LHX1: variants seen among roughly 807,000 people sequenced by gnomAD.
LHX1 encodes LIM/homeobox protein Lhx1.
LHX1 carries 9 observed loss-of-function variants against 34.1 expected under a neutral mutation model. The ratio of observed to expected loss-of-function variants is 0.26; its 90% CI spans 0.16 to 0.46. The LOEUF (loss-of-function observed/expected upper bound fraction) is 0.46, where lower values mean the gene tolerates loss of function less well. Ranked by LOEUF, LHX1 falls within the 20% of genes least tolerant of loss-of-function variation. The pLI is 1.00. For missense variants in LHX1, 446 were observed against 559.1 expected (o/e 0.80, Z 2.04); for synonymous variants, 254 against 241.5 (o/e 1.05, Z -0.48).
upstream of LHX1, chr17:36,937,136 GC>G (rs1365644015): frequency 2.4e-6 from 1 of 409,854 alleles, no homozygotes. Flanking sequence ...AGAAAGTCGA[GC>G]GACTGTGGGG....
Position 36,940,470 on chromosome 17 carries a change from T to C in LHX1, c.351T>C (p.Asp117=). 1 of 1,614,054 alleles carries C rather than the reference T, an allele frequency of 6.2e-7. No homozygotes were observed. Among genetic ancestry groups the C allele is most frequent in the South Asian group, 1.1e-5 (1 of 91,086 alleles). Residue 117 remains aspartate, a synonymous_variant, in exon 2 of 5, where the codon GAT becomes GAC. Transcript: ENST00000614239. ...IDENKFVCKE[D]YLSNSSVAKE... ...AGAATAAGTTCGTCTGCAAAGAGGATTACCTAAGTAACAGCAGTGTTGCCA... is the reference window on the plus strand; with the variant it reads ...AGAATAAGTTCGTCTGCAAAGAGGACTACCTAAGTAACAGCAGTGTTGCCA...
chr17:36,940,950 C>A, intron 3 of LHX1, 63 bp downstream of exon 3: 1 of 1,538,636 alleles, frequency 6.5e-7, no homozygotes, highest in Non-Finnish European at 8.7e-7. Flanking sequence ...GGCACCCAGG[C>A]CGAGCCAGGA....
At position 36,940,878 on chromosome 17, in the gene LHX1, C is replaced by T. The variant is rs753422804; in HGVS notation, c.666C>T (p.Arg222=). 2 of 1,599,014 alleles carry T rather than the reference C, an allele frequency of 1.3e-6. No individual in the cohort carries two copies. Among genetic ancestry groups the T allele is most frequent in the African/African-American group, 2.7e-5 (2 of 74,686 alleles). ...CGCAGGAGACCGGCCTCAACATGCG[C>T]GTCATTCAGGTCAGGCCCCGGCGCG... ...QLAQETGLNM[R]VIQVWFQNRR... The change falls in exon 3 of 5, where the codon CGC becomes CGT. Residue 222 remains arginine (R), a synonymous_variant. Coordinates refer to ENST00000614239, the MANE Select transcript of LHX1 (RefSeq NM_005568.5).
At chr17:36,937,042 CAA>C (rs113265097), upstream of LHX1, 15,470 of 230,048 alleles carry the variant, frequency 0.067, no homozygotes, top group South Asian at 0.13. Flanking sequence ...AAAAGAAAAA[CAA>C]AAAAAAAAAA....
Position 36,942,963 on chromosome 17 carries a change from C to G in LHX1, c.1053C>G (p.Pro351=). 1.2e-6 allele frequency: 2 copies of G among 1,610,584 alleles called. No individual in the cohort carries two copies. The highest frequency in any genetic ancestry group is 1.7e-6 in the Non-Finnish European group (2 of 1,179,020). Residue 351 remains proline, a synonymous_variant, in exon 5 of 5, where the codon CCC becomes CCG. Transcript: ENST00000614239. The part of the protein sequence containing the change: ...QRFTDILAHP[P]GDSPSPEPSL... The stretch of plus-strand genomic sequence containing the variant: ...TTACCGACATCCTGGCGCACCCACC[C>G]GGGGACTCGCCCAGCCCCGAGCCCA...
Position 36,937,533 on chromosome 17 carries a change from CT to C in LHX1, c.-664del. The stretch of plus-strand genomic sequence containing the variant: ...TTCTCCCGCGGTCGGCCCTCGCCCC[CT>C]CCCCCAGGCCCAGCGCGGGCGCTCG... On this transcript the variant is annotated 5_prime_UTR_variant, in exon 1 of 5. Coordinates refer to ENST00000614239, the MANE Select transcript of LHX1 (RefSeq NM_005568.5). The C allele has an allele frequency of 6.2e-6, 2 of 321,438 alleles. No individual in the cohort carries two copies. Among genetic ancestry groups the C allele is most frequent in the South Asian group, 4.7e-5 (2 of 42,868 alleles). 19.9% of individuals were successfully genotyped at this position (321,438 alleles called of 1,614,324 possible).
In LHX1 at chr17:36,942,978, C is replaced by T; in HGVS notation, c.1068C>T (p.Ser356=). The change falls in exon 5 of 5, where the codon AGC becomes AGT. Residue 356 remains serine (S), a synonymous_variant. Coordinates refer to ENST00000614239, the MANE Select transcript of LHX1 (RefSeq NM_005568.5). ...ILAHPPGDSP[S]PEPSLPGPLH... is the part of the protein sequence containing the mutation. The stretch of plus-strand genomic sequence containing the variant: ...CGCACCCACCCGGGGACTCGCCCAG[C>T]CCCGAGCCCAGCCTGCCCGGGCCTC... 3.1e-6 allele frequency: 5 copies of T among 1,611,166 alleles called. No homozygotes were observed. The South Asian group carries it at 5.5e-5, about 18-fold the overall frequency.
intron 1 of LHX1, among the ~76,000 whole-genome samples, chr17:36,939,218 C>A (rs1597688300): frequency 6.6e-6 from 1 of 152,338 alleles, no homozygotes; most frequent in African/African-American, 2.4e-5. Flanking sequence ...CGTACACTCA[C>A]AATTTTGCCG....
chr17:36,938,503 G>A (rs2070744161), intron 1 of LHX1, 136 bp downstream of exon 1: 4 of 848,694 alleles, frequency 4.7e-6, no homozygotes, highest in Admixed American at 4.1e-5. Context: ...TCCCGCGGGC[G>A]CCCGCCTCTC....
chr17:36,942,715 G>A, intron 4 of LHX1, 37 bp from the exon 5 acceptor site: 1 of 1,454,496 alleles, frequency 6.9e-7, no homozygotes, highest in Non-Finnish European at 9.1e-7. Context: ...CCCCCGGCCG[G>A]GCCCTGACGT....
rs1351689429 is a variant in LHX1, at chr17:36,943,246, G to C, written c.*115G>C. The C allele has an allele frequency of 7.9e-7, 1 of 1,258,392 alleles. No homozygotes were observed. Among genetic ancestry groups the C allele is most frequent in the African/African-American group, 1.5e-5 (1 of 65,758 alleles). 78.0% of individuals were successfully genotyped at this position (1,258,392 alleles called of 1,614,324 possible). A position where few individuals can be genotyped will look rare whatever the true frequency, so the allele number is the denominator to read the frequency against. On this transcript the variant is annotated 3_prime_UTR_variant, in exon 5 of 5. Coordinates refer to ENST00000614239, the MANE Select transcript of LHX1 (RefSeq NM_005568.5). ...GTCCCCACCCCCTTCCTCCAGCCTC[G>C]AGAACCATTCTCCTTCTGGGGAGAC...
Position 36,938,068 on chromosome 17 carries a change from T to G in LHX1, c.-130T>G. 1.1e-6 allele frequency: 1 copy of G among 888,270 alleles called. No individual in the cohort carries two copies. Among genetic ancestry groups the G allele is most frequent in the Non-Finnish European group, 1.8e-6 (1 of 557,888 alleles). 55.0% of individuals were successfully genotyped at this position (888,270 alleles called of 1,614,324 possible). A position where few individuals can be genotyped will look rare whatever the true frequency, so the allele number is the denominator to read the frequency against. ...TGATTTCCTGGTGCGAGTTTTGGCT[T>G]GCACGGCCGAGTGTGTGTCCTCTTT... On this transcript the variant is annotated 5_prime_UTR_variant, in exon 1 of 5. Coordinates refer to ENST00000614239, the MANE Select transcript of LHX1 (RefSeq NM_005568.5).
intron 1 of LHX1, among the ~76,000 whole-genome samples, chr17:36,939,531 T>C (rs985638827): frequency 1.3e-5 from 2 of 152,222 alleles, no homozygotes; most frequent in Non-Finnish European, 2.9e-5. Context: ...GCTGAGCCTC[T>C]GAGCCTCCGC....
At chr17:36,941,538 G>T (rs772522377) in intron 3 of LHX1, 13 of 251,304 alleles carry the variant, frequency 5.2e-5, no homozygotes, top group Non-Finnish European at 7.1e-5. Context: ...CGGTTCACCG[G>T]GCCTGATGCC....
Position 36,942,369 on chromosome 17 carries a change from G to A in LHX1, c.841+4G>A. 6.3e-7 allele frequency: 1 copy of A among 1,577,210 alleles called. No individual in the cohort carries two copies. The highest frequency in any genetic ancestry group is 1.2e-5 in the South Asian group (1 of 86,420). ...GGTCCCTTCTCCTTCTACGGAGGTG[G>A]GTGCGCGCCGAATGGCGGGGCGCGG... is the stretch of plus-strand genomic sequence containing the variant. On this transcript the variant is annotated splice_donor_region_variant and intron_variant, in intron 4 of 4. Coordinates refer to ENST00000614239, the MANE Select transcript of LHX1 (RefSeq NM_005568.5).
At position 36,942,762 on chromosome 17, in the gene LHX1, C is replaced by T. The variant is rs1463138183; in HGVS notation, c.852C>T (p.Ser284=). The T allele has an allele frequency of 1.3e-6, 2 of 1,524,910 alleles. No homozygotes were observed. Among genetic ancestry groups the T allele is most frequent in the Non-Finnish European group, 1.8e-6 (2 of 1,134,684 alleles). 94.5% of individuals were successfully genotyped at this position (1,524,910 alleles called of 1,614,324 possible). Residue 284 remains serine, a synonymous_variant, in exon 5 of 5, where the codon AGC becomes AGT. Transcript: ENST00000614239. ...CCCGCCGCTCCGCAGATTACCAGAG[C>T]GAGTACTACGGGCCCGGGGGCAACT... ...GPFSFYGDYQ[S]EYYGPGGNYD...
intron 3 of LHX1, 168 bp downstream of exon 3, chr17:36,941,055 C>G (rs757807991): frequency 9.7e-7 from 1 of 1,026,464 alleles, no homozygotes; most frequent in Non-Finnish European, 1.5e-6. Context: ...TGCCTGATGC[C>G]TTCGAGCATC....
chr17:36,943,086 C>T lies in LHX1; in HGVS notation c.1176C>T (p.Asn392=), dbSNP rs748438626. The T allele has an allele frequency of 4.3e-6, 7 of 1,611,942 alleles. No individual in the cohort carries two copies. The highest frequency in any genetic ancestry group is 5.1e-6 in the Non-Finnish European group (6 of 1,179,532). ...LSVNGGASYG[N]HLSHPPEMNE... is the part of the protein sequence containing the mutation. ...TCAACGGTGGGGCGAGCTACGGAAA[C>T]CACCTGTCCCACCCCCCCGAAATGA... Residue 392 remains asparagine (N), a synonymous_variant, in exon 5 of 5, where the codon AAC becomes AAT. Coordinates refer to ENST00000614239, the MANE Select transcript of LHX1 (RefSeq NM_005568.5).
At position 36,937,571 on chromosome 17, in the gene LHX1, C is replaced by T. The variant is rs1322011723; in HGVS notation, c.-627C>T. ...AGCGCGGGCGCTCGGCGCGTCCAGACCCGCGGCGCGATGCCGGCAGTTTAG... is the reference window on the plus strand; with the variant it reads ...AGCGCGGGCGCTCGGCGCGTCCAGATCCGCGGCGCGATGCCGGCAGTTTAG... On this transcript the variant is annotated 5_prime_UTR_variant, in exon 1 of 5. Coordinates refer to ENST00000614239, the MANE Select transcript of LHX1 (RefSeq NM_005568.5). 3.2e-6 allele frequency: 1 copy of T among 317,166 alleles called. No individual in the cohort carries two copies. Among genetic ancestry groups the T allele is most frequent in the African/African-American group, 2.3e-5 (1 of 44,380 alleles). 19.6% of individuals were successfully genotyped at this position (317,166 alleles called of 1,614,324 possible).
Sources: allele counts gnomAD v4.1 joint callset (sites outside exome capture counted in the v4.1 genomes callset), GRCh38; gene constraint gnomAD v4.1.1; transcripts MANE v1.5; gene names NCBI Gene and HGNC (gene_info 2026-07-23, HGNC 2026-07-21).